The following TTC7A variants were observed in gnomAD, a reference collection of about 807,000 sequenced individuals.
TTC7A encodes tetratricopeptide repeat protein 7A.
A neutral mutation model predicts 103.7 loss-of-function variants in TTC7A; 110 were observed. The observed-to-expected ratio is 1.06, with a 90% CI of 0.91 to 1.24. TTC7A has a LOEUF of 1.24. TTC7A is among the 50% of genes most tolerant of loss of function. The probability of loss-of-function intolerance (pLI) is 0.00; values close to 1 mark genes in which losing one functional copy is unlikely to be tolerated. For synonymous variants in TTC7A, 521 were observed against 467.9 expected (o/e 1.11, Z -1.47); for missense variants, 1,340 against 1,116.3 (o/e 1.20, Z -2.86).
At chr2:47,000,944 G>A (rs62138219) in intron 8 of TTC7A, among the ~76,000 whole-genome samples, 3 of 152,196 alleles carry the variant, frequency 2.0e-5, no homozygotes, top group Non-Finnish European at 2.9e-5. Flanking sequence ...CTTATGGCAC[G>A]GATGAGGCTA....
At chr2:46,997,722 T>A (rs916111401) in intron 8 of TTC7A, among the ~76,000 whole-genome samples, 12 of 152,128 alleles carry the variant, frequency 7.9e-5, no homozygotes, top group Admixed American at 6.5e-4. Flanking sequence ...AGGAGGTGAC[T>A]TTGGGGATCA....
rs558114827 is a variant in TTC7A at position 47,020,406 on chromosome 2, C to A, written c.1393-1456C>A. On this transcript the variant is annotated intron_variant, in intron 11 of 19. Transcript: ENST00000319190. ...GTCCACCTGGCCGGCTGAGGCTGAGCTGTAGACAGCTGTGGGGTTTCCCCG... is the reference window on the plus strand; with the variant it reads ...GTCCACCTGGCCGGCTGAGGCTGAGATGTAGACAGCTGTGGGGTTTCCCCG... Among the ~76,000 whole-genome samples the A allele has an allele frequency of 8.5e-5, 13 of 152,340 alleles. No homozygotes were observed. The South Asian group carries it at 2.7e-3, about 32-fold the overall frequency.
chr2:46,988,421 A>G (rs1255401725), intron 5 of TTC7A, among the ~76,000 whole-genome samples: 2 of 152,222 alleles, frequency 1.3e-5, no homozygotes, highest in Admixed American at 6.5e-5. Context: ...GGATCTGCCA[A>G]CTAGCTATGC....
At chr2:46,981,534 G>T (rs1674459118) in intron 5 of TTC7A, among the ~76,000 whole-genome samples, 1 of 152,230 alleles carries the variant, frequency 6.6e-6, no homozygotes, top group Non-Finnish European at 1.5e-5. Flanking sequence ...GTAGGAATCT[G>T]CAGGAGAGGG....
At chr2:46,999,152 C>T (rs932776524) in intron 8 of TTC7A, among the ~76,000 whole-genome samples, 1 of 152,096 alleles carries the variant, frequency 6.6e-6, no homozygotes, top group African/African-American at 2.4e-5. Flanking sequence ...CATTCATCTA[C>T]CATCCATCCA....
At chr2:47,061,180 T>C (rs1683753362) in intron 19 of TTC7A, among the ~76,000 whole-genome samples, 1 of 152,174 alleles carries the variant, frequency 6.6e-6, no homozygotes, top group African/African-American at 2.4e-5. Flanking sequence ...ACACAGGCCA[T>C]TTCCCTTCAA....
chr2:46,943,812 G>T (rs543170946), intron 1 of TTC7A, among the ~76,000 whole-genome samples: 1 of 152,322 alleles, frequency 6.6e-6, no homozygotes, highest in Non-Finnish European at 1.5e-5. Flanking sequence ...AGAATTGGGA[G>T]AGGTTCTGAG....
At chr2:46,956,099 G>A (rs114473404) in intron 2 of TTC7A, among the ~76,000 whole-genome samples, 1,662 of 152,334 alleles carry the variant, frequency 0.011, 28 homozygotes, top group African/African-American at 0.038. Flanking sequence ...CAGTAGGGGT[G>A]ATCATGGCTG....
intron 3 of TTC7A, among the ~76,000 whole-genome samples, chr2:46,969,460 T>C (rs1673161612): frequency 6.6e-6 from 1 of 151,480 alleles, no homozygotes; most frequent in African/African-American, 2.4e-5. Flanking sequence ...TGAGCCGAGA[T>C]CGCGCCACTG....
chr2:46,987,783 C>T (rs538713958), intron 5 of TTC7A, among the ~76,000 whole-genome samples: 22 of 151,278 alleles, frequency 1.5e-4, no homozygotes, highest in African/African-American at 4.4e-4. Context: ...TTGTTCAGGC[C>T]GGTGAAAGCA....
In TTC7A at chr2:47,021,941, T is replaced by C; in HGVS notation, c.1472T>C (p.Leu491Pro). Residue 491 changes from leucine to proline, a missense_variant, in exon 12 of 20, where the codon CTG becomes CCG. Transcript: ENST00000319190. Reference protein sequence around the residue: ...EAGEFLPKGYLALGLTYSLQA... With the variant: ...EAGEFLPKGYPALGLTYSLQA... ...GGGGAGTTCCTCCCCAAGGGCTACC[T>C]GGCTCTGGGTCTCACCTATAGCCTG... The C allele has an allele frequency of 6.2e-7, 1 of 1,614,100 alleles. No homozygotes were observed. The highest frequency in any genetic ancestry group is 2.2e-5 in the East Asian group (1 of 44,876).
chr2:46,999,889 G>A (rs1193730179), intron 8 of TTC7A: 3 of 985,340 alleles, frequency 3.0e-6, no homozygotes, highest in Non-Finnish European at 3.6e-6. Flanking sequence ...GAGTGGGGTG[G>A]ATAGGTAAGT....
At chr2:47,052,250 G>A (rs563441043) in intron 18 of TTC7A, among the ~76,000 whole-genome samples, 1 of 152,332 alleles carries the variant, frequency 6.6e-6, no homozygotes, top group African/African-American at 2.4e-5. Context: ...GAAGATGGAG[G>A]AAAGACTGGT....
intron 1 of TTC7A, among the ~76,000 whole-genome samples, chr2:46,948,056 C>T (rs567345341): frequency 4.4e-4 from 67 of 152,294 alleles, no homozygotes; most frequent in African/African-American, 1.4e-3. Context: ...AGCTCTGGTC[C>T]GGGCAGGTGG....
At chr2:46,998,201 T>A (rs1435826876) in intron 8 of TTC7A, among the ~76,000 whole-genome samples, 1 of 152,156 alleles carries the variant, frequency 6.6e-6, no homozygotes, top group Non-Finnish European at 1.5e-5. Context: ...TGTTTCCCCT[T>A]ACGCACACCC....
At chr2:47,063,384 G>C (rs1291686476) in intron 19 of TTC7A, among the ~76,000 whole-genome samples, 1 of 152,236 alleles carries the variant, frequency 6.6e-6, no homozygotes, top group African/African-American at 2.4e-5. Flanking sequence ...ACCAGTGTCA[G>C]ACATTGCTAA....
chr2:47,020,636 T>C (rs72806594), intron 11 of TTC7A, among the ~76,000 whole-genome samples: 8,140 of 152,290 alleles, frequency 0.053, 256 homozygotes, highest in African/African-American at 0.066. Flanking sequence ...GCAGACAGCC[T>C]CTCCCGCCGT....
chr2:46,994,596 C>T (rs1260197785), intron 7 of TTC7A, 82 bp downstream of exon 7: 12 of 1,418,646 alleles, frequency 8.5e-6, no homozygotes, highest in Non-Finnish European at 1.1e-5. Flanking sequence ...TTCCTCTTTG[C>T]CCCATGCTCT....
intron 4 of TTC7A, among the ~76,000 whole-genome samples, chr2:46,977,853 G>A (rs960893009): frequency 3.3e-5 from 5 of 152,118 alleles, no homozygotes; most frequent in Non-Finnish European, 7.4e-5. Context: ...GATTATAAAC[G>A]TGAGCCACCA....
Sources: allele counts gnomAD v4.1 joint callset (sites outside exome capture counted in the v4.1 genomes callset), GRCh38; gene constraint gnomAD v4.1.1; transcripts MANE v1.5; gene names NCBI Gene and HGNC (gene_info 2026-07-23, HGNC 2026-07-21).